Variants in IGF2BP3 observed in about 807,000 individuals in gnomAD.
IGF2BP3 encodes insulin-like growth factor 2 mRNA-binding protein 3.
Under a neutral mutation model 73.8 loss-of-function variants are expected in IGF2BP3, and 9 were observed. That is an observed-to-expected ratio of 0.12 (90% CI 0.07 to 0.21). The LOEUF is 0.21. IGF2BP3 is among the 10% of genes least tolerant of loss of function. The pLI is 1.00. For missense variants in IGF2BP3, 542 were observed against 714.0 expected (o/e 0.76, Z 2.75); for synonymous variants, 258 against 256.7 (o/e 1.01, Z -0.05).
chr7:23,408,325 C>G (rs2128529647), intron 3 of IGF2BP3, among the ~76,000 whole-genome samples: 1 of 152,110 alleles, frequency 6.6e-6, no homozygotes, highest in Non-Finnish European at 1.5e-5. Flanking sequence ...AAATCCCAAG[C>G]AATCTATTAA....
intron 3 of IGF2BP3, among the ~76,000 whole-genome samples, chr7:23,366,156 T>C (rs1245142169): frequency 2.6e-5 from 4 of 151,908 alleles, no homozygotes; most frequent in Admixed American, 6.6e-5. Context: ...TTTTTTTTTT[T>C]AGACAGAGTC....
chr7:23,372,758 C>T (rs762274199), intron 3 of IGF2BP3, among the ~76,000 whole-genome samples: 2 of 152,198 alleles, frequency 1.3e-5, no homozygotes, highest in Non-Finnish European at 2.9e-5. Flanking sequence ...CACCAGCCTT[C>T]GTTCAGTCAT....
chr7:23,437,434 G>C (rs766000988), intron 2 of IGF2BP3, among the ~76,000 whole-genome samples: 3 of 152,072 alleles, frequency 2.0e-5, no homozygotes, highest in Non-Finnish European at 4.4e-5. Context: ...AGTGAGCCGA[G>C]ATGGCACCAT....
chr7:23,313,483 C>T, intron 13 of IGF2BP3, 39 bp downstream of exon 13: 1 of 1,601,424 alleles, frequency 6.2e-7, no homozygotes, highest in Non-Finnish European at 8.5e-7. Flanking sequence ...CAACGCTTTC[C>T]CTTTCATACC....
intron 2 of IGF2BP3, among the ~76,000 whole-genome samples, chr7:23,423,317 A>G (rs928476745): frequency 6.6e-6 from 1 of 152,244 alleles, no homozygotes; most frequent in Non-Finnish European, 1.5e-5. Context: ...CAGCTACACA[A>G]TTAAAATACT....
intron 2 of IGF2BP3, among the ~76,000 whole-genome samples, chr7:23,460,820 G>A (rs1286262864): frequency 6.6e-6 from 1 of 152,060 alleles, no homozygotes; most frequent in Non-Finnish European, 1.5e-5. Flanking sequence ...GCATGGTGGT[G>A]CGCACCTGTA....
intron 11 of IGF2BP3, chr7:23,317,965 G>T (rs532860025): frequency 3.3e-5 from 17 of 520,948 alleles, no homozygotes; most frequent in East Asian, 2.1e-4. Flanking sequence ...TCCTCACCAC[G>T]TCCTGATGAA....
intron 3 of IGF2BP3, among the ~76,000 whole-genome samples, chr7:23,396,212 C>G (rs1166784771): frequency 6.6e-6 from 1 of 151,988 alleles, no homozygotes; most frequent in African/African-American, 2.4e-5. Flanking sequence ...GTGGGAGAAA[C>G]AGACACAAGT....
chr7:23,385,674 A>C (rs1403672468), intron 3 of IGF2BP3, among the ~76,000 whole-genome samples: 1 of 152,220 alleles, frequency 6.6e-6, no homozygotes, highest in Non-Finnish European at 1.5e-5. Flanking sequence ...AAATCGACTA[A>C]CTGCAAAATA....
At chr7:23,437,812 G>A (rs1787840825) in intron 2 of IGF2BP3, among the ~76,000 whole-genome samples, 1 of 152,136 alleles carries the variant, frequency 6.6e-6, no homozygotes, top group African/African-American at 2.4e-5. Flanking sequence ...CCAAGTACTT[G>A]AAATACATTT....
intron 3 of IGF2BP3, among the ~76,000 whole-genome samples, chr7:23,376,555 A>AAAAG (rs59218260): frequency 6.6e-4 from 92 of 140,116 alleles, no homozygotes; most frequent in African/African-American, 2.1e-3. Flanking sequence ...AAAAAAAAAA[A>AAAAG]AAAGAAAGAA....
intron 10 of IGF2BP3, among the ~76,000 whole-genome samples, chr7:23,322,841 A>G (rs1394456180): frequency 2.6e-5 from 4 of 152,178 alleles, no homozygotes; most frequent in African/African-American, 9.7e-5. Flanking sequence ...AGTAAAGGAG[A>G]AATAAAATCC....
chr7:23,348,452 T>C (rs969799632), intron 6 of IGF2BP3, among the ~76,000 whole-genome samples: 1 of 152,148 alleles, frequency 6.6e-6, no homozygotes, highest in Non-Finnish European at 1.5e-5. Context: ...CTCAACACTT[T>C]TGGTAGGAGC....
At chr7:23,455,227 C>T (rs1413733299) in intron 2 of IGF2BP3, among the ~76,000 whole-genome samples, 1 of 152,188 alleles carries the variant, frequency 6.6e-6, no homozygotes, top group Admixed American at 6.5e-5. Context: ...CCATCACGCA[C>T]GCAGGCTGCT....
chr7:23,442,584 G>C (rs1196747451), intron 2 of IGF2BP3, among the ~76,000 whole-genome samples: 1 of 151,988 alleles, frequency 6.6e-6, no homozygotes, highest in African/African-American at 2.4e-5. Flanking sequence ...TTTCAGTAGA[G>C]ACAGGGTTTC....
intron 2 of IGF2BP3, among the ~76,000 whole-genome samples, chr7:23,441,850 C>G (rs1443734348): frequency 6.6e-6 from 1 of 152,094 alleles, no homozygotes; most frequent in Non-Finnish European, 1.5e-5. Flanking sequence ...TCTGGCTGGG[C>G]GGGGTGGCTC....
At chr7:23,317,738 A>G (rs1784030102) in intron 11 of IGF2BP3, 25 bp from the exon 12 acceptor site, 1 of 1,597,102 alleles carries the variant, frequency 6.3e-7, no homozygotes, top group Non-Finnish European at 8.6e-7. Context: ...ACAACAAGTT[A>G]TGATACTTTC....
At chr7:23,317,406 G>T (rs1448060344) in intron 12 of IGF2BP3, among the ~76,000 whole-genome samples, 1 of 152,154 alleles carries the variant, frequency 6.6e-6, no homozygotes, top group East Asian at 1.9e-4. Flanking sequence ...AAACCATTAA[G>T]CAAAATTAAC....
chr7:23,468,909 T>A (rs1386211629), intron 1 of IGF2BP3, among the ~76,000 whole-genome samples: 1 of 152,160 alleles, frequency 6.6e-6, no homozygotes, highest in African/African-American at 2.4e-5. Flanking sequence ...GGGGCTCCCC[T>A]GGCTTTCTTC....
Sources: gnomAD v4.1 joint callset for allele counts (sites outside exome capture counted in the v4.1 genomes callset) on GRCh38, gnomAD v4.1.1 for gene constraint, MANE v1.5 for transcripts, NCBI Gene and HGNC (gene_info 2026-07-23, HGNC 2026-07-21) for gene names.